Variants in ANKRD62 observed in about 807,000 individuals in gnomAD.
The protein encoded by ANKRD62 is ankyrin repeat domain 62.
In ANKRD62, 61 loss-of-function variants were observed where a neutral mutation model predicts 98.8. The observed-to-expected ratio is 0.62, with a 90% confidence interval of 0.50 to 0.76. The LOEUF is 0.76. Ranked by LOEUF, ANKRD62 falls within the 30% of genes least tolerant of loss-of-function variation. The pLI is 0.00. For synonymous variants in ANKRD62, 341 were observed against 367.9 expected, an observed-to-expected ratio of 0.93 and a Z score of 0.84; for missense variants, 933 against 1,082.9, an observed-to-expected ratio of 0.86 and a Z score of 1.94.
At chr18:12,111,424 G>T (rs542557149) in intron 8 of ANKRD62, among the ~76,000 whole-genome samples, 1 of 152,010 alleles carries the variant, frequency 6.6e-6, no homozygotes, top group South Asian at 2.1e-4. Flanking sequence ...AATAAGAGCC[G>T]TATATGACAA....
rs745480956 is a variant in ANKRD62 at position 12,127,788 on chromosome 18, T to G, written c.2603T>G (p.Leu868Arg). The G allele has an allele frequency of 3.4e-6, 5 of 1,487,878 alleles. No homozygotes were observed. Among genetic ancestry groups the G allele is most frequent in the Non-Finnish European group, 4.4e-6 (5 of 1,126,034 alleles). 92.2% of individuals were successfully genotyped at this position (1,487,878 alleles called of 1,614,324 possible). A position where few individuals can be genotyped will look rare whatever the true frequency, so the allele number is the denominator to read the frequency against. Reference protein sequence around the residue: ...RQLQREVDDALNKQLLLEAML... With the variant: ...RQLQREVDDARNKQLLLEAML... ...CTTCAACGAGAAGTGGATGATGCCCTGAACAAACAATTGCTGTTAGAAGCT... is the reference window on the plus strand; with the variant it reads ...CTTCAACGAGAAGTGGATGATGCCCGGAACAAACAATTGCTGTTAGAAGCT... Residue 868 changes from leucine to arginine, a missense_variant, in exon 14 of 14, where the codon CTG becomes CGG. Around this residue, in one of 3 missense-constraint regions of ANKRD62, gnomAD observed 362 missense variants for 434.5 expected, o/e 0.83. Coordinates refer to ENST00000587848, the MANE Select transcript of ANKRD62 (RefSeq NM_001277333.2).
the ANKRD62 span, among the ~76,000 whole-genome samples, chr18:12,145,845 G>A: frequency 6.6e-6 from 1 of 151,862 alleles, no homozygotes. Context: ...GCTTTCTTAA[G>A]CATGTCCTGG....
At chr18:12,098,004 T>G (rs1355093060) in intron 5 of ANKRD62, among the ~76,000 whole-genome samples, 2 of 152,206 alleles carry the variant, frequency 1.3e-5, no homozygotes, top group African/African-American at 4.8e-5. Context: ...CTATGCTTAG[T>G]TATTCTGTGA....
At chr18:12,102,664 C>A in intron 6 of ANKRD62, 2 of 981,102 alleles carry the variant, frequency 2.0e-6, no homozygotes, top group Non-Finnish European at 2.5e-6. Flanking sequence ...TGAAATTTGT[C>A]AGAATAGTAG....
rs919808424 is a variant in ANKRD62, at chr18:12,128,352, A to G, written c.*413A>G. 6.6e-6 allele frequency: 1 copy of G among 152,562 alleles called. No individual in the cohort carries two copies. The highest frequency in any genetic ancestry group is 2.4e-5 in the African/African-American group (1 of 41,456). 9.5% of individuals were successfully genotyped at this position (152,562 alleles called of 1,614,324 possible). ...TCTGGTTAACTGGTACAGAAAGTCC[A>G]TTCTGCAGAATAAATTAGTATTTTG... On this transcript the variant is annotated 3_prime_UTR_variant, in exon 14 of 14. Coordinates refer to ENST00000587848, the MANE Select transcript of ANKRD62 (RefSeq NM_001277333.2).
chr18:12,116,970 A>G (rs1402298978), intron 10 of ANKRD62, among the ~76,000 whole-genome samples: 1 of 152,160 alleles, frequency 6.6e-6, no homozygotes. Flanking sequence ...ACGTCTTTCT[A>G]TAGTTTATCA....
intron 8 of ANKRD62, among the ~76,000 whole-genome samples, chr18:12,112,993 T>G (rs1346847084): frequency 6.6e-6 from 1 of 152,082 alleles, no homozygotes; most frequent in East Asian, 1.9e-4. Flanking sequence ...CATCCCGGGT[T>G]AAGTGATTCT....
chr18:12,103,198 G>A lies in ANKRD62; in HGVS notation c.861G>A (p.Arg287=). ...LEMTSEGEQE[R]LEGCESSQPQ... ...TGACATCAGAGGGAGAGCAAGAAAG[G>A]CTTGAAGGATGTGAAAGTAGCCAGC... The change falls in exon 7 of 14, where the codon AGG becomes AGA. Residue 287 remains arginine (R), a synonymous_variant. Coordinates refer to ENST00000587848, the MANE Select transcript of ANKRD62 (RefSeq NM_001277333.2). 7.3e-7 allele frequency: 1 copy of A among 1,367,788 alleles called. No individual in the cohort carries two copies. The highest frequency in any genetic ancestry group is 9.5e-7 in the Non-Finnish European group (1 of 1,052,850). The allele number at this position is 1,367,788 out of a possible 1,614,324, so 84.7% of individuals were successfully genotyped here. A position where few individuals can be genotyped will look rare whatever the true frequency, so the allele number is the denominator to read the frequency against.
In ANKRD62 at chr18:12,095,473, C is replaced by G; in HGVS notation, c.370C>G (p.Leu124Val). 6.3e-7 allele frequency: 1 copy of G among 1,576,470 alleles called. No individual in the cohort carries two copies. ...TCAAGAAGAAGTTTGTGCATCCATCCTGCTGGAACATGGCGCCAACCCAAA... is the reference window on the plus strand; with the variant it reads ...TCAAGAAGAAGTTTGTGCATCCATCGTGCTGGAACATGGCGCCAACCCAAA... ...QCQEEVCASILLEHGANPNVR... is the reference protein window; with the variant it reads ...QCQEEVCASIVLEHGANPNVR... The change falls in exon 3 of 14, where the codon CTG becomes GTG. Residue 124 changes from leucine to valine, a missense_variant. By Grantham distance (32) the Leu-to-Val change is conservative (BLOSUM62 1). Around this residue, in one of 3 missense-constraint regions of ANKRD62, gnomAD observed 549 missense variants for 587.9 expected, o/e 0.93. Coordinates refer to ENST00000587848, the MANE Select transcript of ANKRD62 (RefSeq NM_001277333.2).
chr18:12,168,053 G>C, the ANKRD62 span, among the ~76,000 whole-genome samples: 1 of 152,130 alleles, frequency 6.6e-6, no homozygotes, highest in Non-Finnish European at 1.5e-5. Flanking sequence ...CCAATGGGTA[G>C]ATTGCAAAAA....
chr18:12,171,504 T>A, the ANKRD62 span, among the ~76,000 whole-genome samples: 1 of 152,054 alleles, frequency 6.6e-6, no homozygotes, highest in African/African-American at 2.4e-5. Context: ...TGCCGAGAGA[T>A]CCGCTGTTAG....
At chr18:12,122,194 T>C (rs1909796009) in intron 10 of ANKRD62, 109 bp from the exon 11 acceptor site, 1 of 758,092 alleles carries the variant, frequency 1.3e-6, no homozygotes, top group African/African-American at 1.8e-5. Flanking sequence ...ACTTAATATG[T>C]ACATATTCAT....
the ANKRD62 span, among the ~76,000 whole-genome samples, chr18:12,175,193 C>T: frequency 1.3e-5 from 2 of 152,180 alleles, no homozygotes; most frequent in Admixed American, 1.3e-4. Context: ...AGGTCTGTGC[C>T]TTCTCTGTAT....
intron 10 of ANKRD62, 120 bp from the exon 11 acceptor site, chr18:12,122,183 C>T (rs1414013995): frequency 4.6e-6 from 3 of 659,268 alleles, no homozygotes; most frequent in Non-Finnish European, 7.3e-6. Flanking sequence ...ACATTGCAAG[C>T]ACTTAATATG....
the ANKRD62 span, among the ~76,000 whole-genome samples, chr18:12,166,309 T>C: frequency 6.6e-6 from 1 of 152,100 alleles, no homozygotes; most frequent in African/African-American, 2.4e-5. Context: ...GTATCTTGTA[T>C]GTGTGCTTTA....
chr18:12,132,850 G>A (rs1042003629), downstream of ANKRD62, among the ~76,000 whole-genome samples: 4 of 151,930 alleles, frequency 2.6e-5, no homozygotes, highest in African/African-American at 9.7e-5. Context: ...GAATTTTTTA[G>A]TTCAAATCTT....
chr18:12,173,482 G>A, the ANKRD62 span, among the ~76,000 whole-genome samples: 1 of 152,186 alleles, frequency 6.6e-6, no homozygotes, highest in Non-Finnish European at 1.5e-5. Flanking sequence ...AGGGCATTTA[G>A]CCCATTTATA....
At chr18:12,153,733 A>T in the ANKRD62 span, among the ~76,000 whole-genome samples, 2 of 152,204 alleles carry the variant, frequency 1.3e-5, no homozygotes, top group East Asian at 3.8e-4. Context: ...AAACTATACT[A>T]CAGGGCTACA....
Position 12,128,041 on chromosome 18 carries a change from T to A in ANKRD62, c.*102T>A. On this transcript the variant is annotated 3_prime_UTR_variant, in exon 14 of 14. Transcript: ENST00000587848. ...TTTTATTAAAATTTGATTATCTTTA[T>A]AATACATCCATTTCTCAATCTCTGC... 1 of 646,990 alleles carries A rather than the reference T, an allele frequency of 1.5e-6. No homozygotes were observed. Among genetic ancestry groups the A allele is most frequent in the Non-Finnish European group, 2.2e-6 (1 of 454,414 alleles). The allele number at this position is 646,990 out of a possible 1,614,324, so 40.1% of individuals were successfully genotyped here.
Sources: gnomAD v4.1 joint callset for allele counts (sites outside exome capture counted in the v4.1 genomes callset) on GRCh38, gnomAD v4.1.1 for gene constraint, gnomAD v4.1.1 regional missense constraint, MANE v1.5 for transcripts, NCBI Gene and HGNC (gene_info 2026-07-23, HGNC 2026-07-21) for gene names.